CLSTN2: variants seen among roughly 807,000 people sequenced by gnomAD.
CLSTN2 encodes calsyntenin 2.
CLSTN2 carries 48 observed loss-of-function variants against 101.2 expected under a neutral mutation model. That is an observed-to-expected ratio of 0.47 (90% CI 0.38 to 0.60). The LOEUF (loss-of-function observed/expected upper bound fraction) is 0.60, where lower values mean the gene tolerates loss of function less well. Among genes scored for constraint, CLSTN2 ranks in the 20% least tolerant of loss-of-function variants. The pLI, the probability that CLSTN2 is intolerant of heterozygous loss-of-function variation, is 0.00. For missense variants in CLSTN2, 1,160 were observed against 1,238.2 expected (o/e 0.94, Z 0.95); for synonymous variants, 481 against 463.6 (o/e 1.04, Z -0.48).
chr3:140,497,165 G>A (rs1189525538), intron 8 of CLSTN2, among the ~76,000 whole-genome samples: 1 of 152,042 alleles, frequency 6.6e-6, no homozygotes, highest in Non-Finnish European at 1.5e-5. Flanking sequence ...CAGTGTTGGG[G>A]GTAAGCCTTC....
intron 2 of CLSTN2, among the ~76,000 whole-genome samples, chr3:140,351,530 T>C (rs1205185253): frequency 6.6e-6 from 1 of 152,128 alleles, no homozygotes; most frequent in African/African-American, 2.4e-5. Context: ...AGAGCAGAGG[T>C]CAGCAAACTA....
At chr3:140,156,985 G>C (rs534104466) in intron 1 of CLSTN2, among the ~76,000 whole-genome samples, 1 of 152,232 alleles carries the variant, frequency 6.6e-6, no homozygotes, top group South Asian at 2.1e-4. Flanking sequence ...TTTTGAATCT[G>C]ATTAATCCTG....
chr3:140,031,304 G>A lies in CLSTN2; in HGVS notation c.109+95821G>A, dbSNP rs183374841. Among the ~76,000 whole-genome samples the A allele has an allele frequency of 6.4e-4, 98 of 152,250 alleles. 1 individual carries two copies. The highest frequency in any genetic ancestry group is 5.6e-3 in the Admixed American group (85 of 15,298). The stretch of plus-strand genomic sequence containing the variant: ...ATTTTTGGTTCTTTGTTAGTGACGC[G>A]CAGCATGAAATTCTGAATTAGTGAG... On this transcript the variant is annotated intron_variant, in intron 1 of 16. Transcript: ENST00000458420.
chr3:140,263,760 CA>C (rs1046141055), intron 2 of CLSTN2, among the ~76,000 whole-genome samples: 3 of 151,780 alleles, frequency 2.0e-5, no homozygotes, highest in African/African-American at 7.3e-5. Flanking sequence ...CTTATTAAAA[CA>C]AAAAAATATT....
intron 1 of CLSTN2, among the ~76,000 whole-genome samples, chr3:140,009,338 T>A (rs1474746732): frequency 6.6e-6 from 1 of 152,200 alleles, no homozygotes; most frequent in African/African-American, 2.4e-5. Flanking sequence ...TGCAAGTAAT[T>A]CATGGGCATT....
rs1985551724 is a variant in CLSTN2 at position 140,571,604 on chromosome 3, A to C, written c.*5351A>C. ...CTGACAAGCAAAAGCCCTTGGCACAATTTAATTTTCACATAACCACTTTCC... is the reference window on the plus strand; with the variant it reads ...CTGACAAGCAAAAGCCCTTGGCACACTTTAATTTTCACATAACCACTTTCC... On this transcript the variant is annotated 3_prime_UTR_variant, in exon 17 of 17. Transcript: ENST00000458420. 6.6e-6 allele frequency: 1 copy of C among 152,264 alleles called. No individual in the cohort carries two copies. Among genetic ancestry groups the C allele is most frequent in the Non-Finnish European group, 1.5e-5 (1 of 68,048 alleles). The allele number at this position is 152,264 out of a possible 1,614,324, so 9.4% of individuals were successfully genotyped here.
At chr3:140,166,804 TAAG>T (rs1401191847) in intron 1 of CLSTN2, among the ~76,000 whole-genome samples, 1 of 152,056 alleles carries the variant, frequency 6.6e-6, no homozygotes, top group Non-Finnish European at 1.5e-5. Flanking sequence ...GGAAAAGAGA[TAAG>T]AAAGAGGCAA....
In CLSTN2 at chr3:140,466,704, C is replaced by A. The variant is rs139804872; in HGVS notation, c.1317C>A (p.Pro439=). The change falls in exon 8 of 17, where the codon CCC becomes CCA. Residue 439 remains proline, a synonymous_variant. Coordinates refer to ENST00000458420, the MANE Select transcript of CLSTN2 (RefSeq NM_022131.3). ...KDFDQADTFR[P]AEFHWKLDQI... ...TCGACCAGGCTGACACCTTTCGCCC[C>A]GCGGAGTTCCACTGGAAGCTGGATC... The A allele has an allele frequency of 1.2e-6, 2 of 1,613,988 alleles. No individual in the cohort carries two copies. Among genetic ancestry groups the A allele is most frequent in the Non-Finnish European group, 1.7e-6 (2 of 1,180,018 alleles).
At chr3:140,218,414 A>G (rs919286522) in intron 2 of CLSTN2, among the ~76,000 whole-genome samples, 1 of 152,072 alleles carries the variant, frequency 6.6e-6, no homozygotes, top group Non-Finnish European at 1.5e-5. Context: ...TATTATCCTT[A>G]CTTCTTGAGC....
At chr3:140,071,762 C>T (rs1477347752) in intron 1 of CLSTN2, among the ~76,000 whole-genome samples, 1 of 151,906 alleles carries the variant, frequency 6.6e-6, no homozygotes, top group Non-Finnish European at 1.5e-5. Flanking sequence ...ACTCGGGAGG[C>T]GGAGCTTGCA....
chr3:140,513,491 G>T (rs1934854482), intron 8 of CLSTN2, among the ~76,000 whole-genome samples: 1 of 151,900 alleles, frequency 6.6e-6, no homozygotes, highest in Admixed American at 6.6e-5. Flanking sequence ...TTTTAGATGT[G>T]CTGCTGTATT....
At chr3:140,229,166 T>G (rs1422964160) in intron 2 of CLSTN2, among the ~76,000 whole-genome samples, 1 of 152,074 alleles carries the variant, frequency 6.6e-6, no homozygotes. Flanking sequence ...GGAGCCTAGA[T>G]AGCCCCAGGA....
intron 2 of CLSTN2, among the ~76,000 whole-genome samples, chr3:140,207,209 T>C (rs1026427678): frequency 3.9e-5 from 6 of 152,178 alleles, no homozygotes; most frequent in Admixed American, 2.0e-4. Flanking sequence ...GCTTTGAGAG[T>C]AGGCCCATGA....
chr3:140,165,342 C>T (rs971771408), intron 1 of CLSTN2, among the ~76,000 whole-genome samples: 1 of 152,136 alleles, frequency 6.6e-6, no homozygotes, highest in Non-Finnish European at 1.5e-5. Flanking sequence ...GCAAGGAAAA[C>T]GTGTGCTCAC....
intron 1 of CLSTN2, among the ~76,000 whole-genome samples, chr3:140,164,338 G>A (rs1454171906): frequency 1.3e-5 from 2 of 152,114 alleles, no homozygotes; most frequent in Admixed American, 1.3e-4. Flanking sequence ...GCTGGGTCCT[G>A]TGTGGGTCCT....
At position 140,556,634 on chromosome 3, in the gene CLSTN2, G is replaced by T. The variant is rs779430807; in HGVS notation, c.1796G>T (p.Arg599Leu). Residue 599 changes from arginine to leucine, a missense_variant, in exon 11 of 17, where the codon CGG becomes CTG. Coordinates refer to ENST00000458420, the MANE Select transcript of CLSTN2 (RefSeq NM_022131.3). ...NSRQFPTAGV[R>L]RLKVSSKVQC... ...AGGCAGTTCCCAACGGCGGGTGTGCGGCGCCTCAAAGTATCCTCCAAAGTC... is the reference window on the plus strand; with the variant it reads ...AGGCAGTTCCCAACGGCGGGTGTGCTGCGCCTCAAAGTATCCTCCAAAGTC... The T allele has an allele frequency of 1.9e-6, 3 of 1,613,950 alleles. No homozygotes were observed. The highest frequency in any genetic ancestry group is 2.5e-6 in the Non-Finnish European group (3 of 1,179,934).
intron 2 of CLSTN2, among the ~76,000 whole-genome samples, chr3:140,192,729 G>A (rs1352977626): frequency 2.0e-5 from 3 of 151,692 alleles, no homozygotes; most frequent in African/African-American, 7.3e-5. Context: ...AGCATGTTGG[G>A]TCATGTTTTT....
intron 2 of CLSTN2, among the ~76,000 whole-genome samples, chr3:140,277,897 T>A (rs1255150961): frequency 1.3e-5 from 2 of 152,206 alleles, no homozygotes; most frequent in Non-Finnish European, 2.9e-5. Context: ...TGTAGACAAG[T>A]AATAATTCTT....
intron 1 of CLSTN2, among the ~76,000 whole-genome samples, chr3:140,105,781 C>T (rs964886029): frequency 6.6e-6 from 1 of 152,198 alleles, no homozygotes; most frequent in Non-Finnish European, 1.5e-5. Flanking sequence ...GCACCTCAGC[C>T]TCAGGGACCT....
Sources: gnomAD v4.1 joint callset for allele counts (sites outside exome capture counted in the v4.1 genomes callset) on GRCh38, gnomAD v4.1.1 for gene constraint, MANE v1.5 for transcripts, NCBI Gene and HGNC (gene_info 2026-07-23, HGNC 2026-07-21) for gene names.